Variants in FNTB observed in about 807,000 individuals in gnomAD.
FNTB encodes farnesyltransferase, CAAX box, subunit beta, also known as protein farnesyltransferase subunit beta.
Under a neutral mutation model 59.4 loss-of-function variants are expected in FNTB, and 27 were observed. The observed-to-expected ratio is 0.45, with a 90% CI of 0.34 to 0.63. The LOEUF (loss-of-function observed/expected upper bound fraction) is 0.63. FNTB is among the 20% of genes least tolerant of loss of function. The pLI is 0.02. For missense variants in FNTB, 449 were observed against 559.6 expected (o/e 0.80, Z 1.99); for synonymous variants, 230 against 220.7 (o/e 1.04, Z -0.37).
chr14:65,056,293 G>A (rs772065223), intron 11 of FNTB, among the ~76,000 whole-genome samples: 1 of 152,068 alleles, frequency 6.6e-6, no homozygotes, highest in East Asian at 1.9e-4. Flanking sequence ...ATGTACCCCA[G>A]TGTGTTTCTC....
At chr14:65,037,799 G>T (rs2062246797) in intron 7 of FNTB, among the ~76,000 whole-genome samples, 2 of 133,248 alleles carry the variant, frequency 1.5e-5, no homozygotes, top group South Asian at 2.4e-4. Flanking sequence ...TTTATTTATT[G>T]AGATGGTGCC....
chr14:65,037,730 T>C (rs1321079486), intron 7 of FNTB, among the ~76,000 whole-genome samples: 1 of 79,156 alleles, frequency 1.3e-5, no homozygotes, highest in African/African-American at 4.6e-5. Context: ...CAGCCTCTTA[T>C]TTATTTATTT....
At chr14:65,056,798 ACT>A (rs1176386951) in intron 11 of FNTB, among the ~76,000 whole-genome samples, 3 of 151,996 alleles carry the variant, frequency 2.0e-5, no homozygotes, top group African/African-American at 7.3e-5. Context: ...TCATTTTGTG[ACT>A]CTGATTTGCA....
rs116067182 is a variant in FNTB, at chr14:65,011,903, C to T, written c.210-414C>T. 6.9e-3 allele frequency among the ~76,000 whole-genome samples: 1,043 copies of T among 152,084 alleles called. 12 individuals are homozygous for T. The highest frequency in any genetic ancestry group is 0.023 in the African/African-American group (959 of 41,460). On this transcript the variant is annotated intron_variant, in intron 2 of 11. Coordinates refer to ENST00000246166, the MANE Select transcript of FNTB (RefSeq NM_002028.4). This position sits in a 1 kb window ranked among gnomAD's most constrained non-coding sequence, Gnocchi z 4.0. Reference sequence around the variant, plus strand: ...CCAGACGGGGTGACTGAAATGACAGCGGCTGAGGCAGGGAAGTGGCGAGGC... The same window carrying T: ...CCAGACGGGGTGACTGAAATGACAGTGGCTGAGGCAGGGAAGTGGCGAGGC...
In FNTB at chr14:65,044,726, G is replaced by A. The variant is rs148215176; in HGVS notation, c.955+283G>A. 3.1e-3 allele frequency: 1,350 copies of A among 439,386 alleles called. 19 individuals are homozygous for A. Among genetic ancestry groups the A allele is most frequent in the African/African-American group, 0.024 (1,170 of 48,096 alleles). 27.2% of individuals were successfully genotyped at this position (439,386 alleles called of 1,614,324 possible). A position where few individuals can be genotyped will look rare whatever the true frequency, so the allele number is the denominator to read the frequency against. On this transcript the variant is annotated intron_variant, in intron 9 of 11. Transcript: ENST00000246166. This position sits in a 1 kb window ranked among gnomAD's most constrained non-coding sequence, Gnocchi z 5.5. The stretch of plus-strand genomic sequence containing the variant: ...GGGAGGAAGTGGGCGCTGCTTCTGC[G>A]TTATCTGGAAGGAGCAGCCCACTCC...
chr14:65,015,807 T>A (rs1474344345), intron 4 of FNTB, 91 bp downstream of exon 4: 19 of 1,469,740 alleles, frequency 1.3e-5, no homozygotes, highest in Middle Eastern at 1.8e-4. Context: ...TTGTTTGGAA[T>A]GGAAAAAAAC....
rs139801576 is a variant in FNTB at position 65,061,212 on chromosome 14, C to G, written c.1214C>G (p.Pro405Arg). ...QPTHPVYNIG[P>R]DKVIQATTYF... ...ACTCACCCAGTGTACAACATTGGAC[C>G]AGACAAGGTGATCCAGGCCACTACA... The change falls in exon 12 of 12, where the codon CCA becomes CGA. Residue 405 changes from proline to arginine, a missense_variant. Physicochemically the swap from Pro to Arg is moderately radical, Grantham distance 103 (BLOSUM62 -2). This residue lies in a region of FNTB where 337 missense variants were observed against 479.1 expected (regional missense o/e 0.70). Transcript: ENST00000246166. 221 of 1,614,046 alleles carry G rather than the reference C, an allele frequency of 1.4e-4. No individual in the cohort carries two copies. Among genetic ancestry groups the G allele is most frequent in the Non-Finnish European group, 1.7e-4 (197 of 1,180,042 alleles).
At chr14:65,043,747 G>A (rs910684103) in intron 8 of FNTB, among the ~76,000 whole-genome samples, 6 of 145,536 alleles carry the variant, frequency 4.1e-5, no homozygotes, top group African/African-American at 7.6e-5. Flanking sequence ...GCGTGAACCC[G>A]GGAAGCGGAG....
In FNTB at chr14:65,005,489, CTTTCTTTCTTTCTTTCTTTCTT is replaced by C. The variant is rs1158528761; in HGVS notation, c.209+1178_209+1199del. 3.2e-4 allele frequency among the ~76,000 whole-genome samples: 44 copies of C among 136,810 alleles called. No homozygotes were observed. In the East Asian group the frequency reaches 5.4e-3, roughly 17 times the overall value. The allele number at this position is 136,810 out of a possible 152,430, so 89.8% of individuals were successfully genotyped here. On this transcript the variant is annotated intron_variant, in intron 2 of 11. Coordinates refer to ENST00000246166, the MANE Select transcript of FNTB (RefSeq NM_002028.4). ...TCTTTCTTTCTTTCTTTCTTTCTTT[CTTTCTTTCTTTCTTTCTTTCTT>C]TCTCTCTCTCTTTCTCTTTCTCTTT...
intron 11 of FNTB, among the ~76,000 whole-genome samples, chr14:65,058,808 A>C (rs1015037784): frequency 2.0e-5 from 3 of 152,126 alleles, no homozygotes; most frequent in African/African-American, 7.2e-5. Context: ...TAGTAGAGGC[A>C]GTGTGTCTGT....
chr14:65,033,789 G>A (rs538774930), intron 7 of FNTB, among the ~76,000 whole-genome samples: 126 of 152,226 alleles, frequency 8.3e-4, no homozygotes, highest in African/African-American at 2.9e-3. Flanking sequence ...CCCAGGAGGC[G>A]GAGCTTGCAG....
At chr14:65,006,392 T>C (rs902647574) in intron 2 of FNTB, 2 of 1,502,130 alleles carry the variant, frequency 1.3e-6, no homozygotes, top group Admixed American at 2.3e-5. Flanking sequence ...ATAAAATGAA[T>C]TATTCCTCTT....
chr14:64,999,610 A>C (rs1300189222), intron 1 of FNTB, among the ~76,000 whole-genome samples: 2 of 152,218 alleles, frequency 1.3e-5, no homozygotes, highest in African/African-American at 2.4e-5. Flanking sequence ...AGTTTAAATG[A>C]GTGAGTTGAA....
chr14:64,987,272 G>T, intron 1 of FNTB, 175 bp downstream of exon 1: 1 of 715,644 alleles, frequency 1.4e-6, no homozygotes. Flanking sequence ...GTCGTGGAGC[G>T]TTTGCGCGGC....
At chr14:65,038,342 A>G (rs1262819731) in intron 7 of FNTB, among the ~76,000 whole-genome samples, 3 of 148,946 alleles carry the variant, frequency 2.0e-5, no homozygotes, top group Admixed American at 6.7e-5. Context: ...CCCAGGAGGC[A>G]GAGGTTGCAG....
intron 1 of FNTB, among the ~76,000 whole-genome samples, chr14:64,989,272 CAAAAA>C (rs58654871): frequency 4.3e-5 from 3 of 69,938 alleles, no homozygotes; most frequent in Admixed American, 1.6e-4. Flanking sequence ...CTGTCTCTAC[CAAAAA>C]AAAAAAAAAA....
chr14:65,018,809 TAAAAA>T (rs34066098), intron 4 of FNTB, among the ~76,000 whole-genome samples: 2 of 108,434 alleles, frequency 1.8e-5, no homozygotes, highest in African/African-American at 3.6e-5. Context: ...GACTCTGTCT[TAAAAA>T]AAAAAAAAAA....
At position 65,009,702 on chromosome 14, in the gene FNTB, A is replaced by G. The variant is rs2061654731; in HGVS notation, c.210-2615A>G. Among the ~76,000 whole-genome samples, 1 of 151,998 alleles carries G rather than the reference A, an allele frequency of 6.6e-6. No individual in the cohort carries two copies. Among genetic ancestry groups the G allele is most frequent in the Non-Finnish European group, 1.5e-5 (1 of 68,014 alleles). On this transcript the variant is annotated intron_variant, in intron 2 of 11. Coordinates refer to ENST00000246166, the MANE Select transcript of FNTB (RefSeq NM_002028.4). The surrounding 1 kb of genome is among the most constrained non-coding windows in gnomAD (Gnocchi z 4.2). ...GGAATTTCTCTGCTTACTGCCTTGTACTTTTGATCCAGCTGAACTAAACTA... is the reference window on the plus strand; with the variant it reads ...GGAATTTCTCTGCTTACTGCCTTGTGCTTTTGATCCAGCTGAACTAAACTA...
At chr14:65,000,841 A>G (rs1216037833) in intron 1 of FNTB, among the ~76,000 whole-genome samples, 1 of 145,870 alleles carries the variant, frequency 6.9e-6, no homozygotes, top group Non-Finnish European at 1.5e-5. Context: ...AAAAAAAAAA[A>G]GAATAGTTAC....
Sources: allele counts gnomAD v4.1 joint callset (sites outside exome capture counted in the v4.1 genomes callset), GRCh38; gene constraint gnomAD v4.1.1; regional missense constraint gnomAD v4.1.1; non-coding constraint Gnocchi (gnomAD v3.1); transcripts MANE v1.5; gene names NCBI Gene and HGNC (gene_info 2026-07-23, HGNC 2026-07-21).